The following RAPGEF4 variants were observed in gnomAD, a reference collection of about 807,000 sequenced individuals.
The protein encoded by RAPGEF4 is RAP guanine-nucleotide-exchange factor (GEF) 4.
In RAPGEF4, 66 loss-of-function variants were observed where a neutral mutation model predicts 147.9. That is an observed-to-expected ratio of 0.45 (90% CI 0.37 to 0.55). The LOEUF is 0.55. Ranked by LOEUF, RAPGEF4 falls within the 20% of genes least tolerant of loss-of-function variation. The probability of loss-of-function intolerance (pLI) is 0.00; values close to 1 mark genes in which losing one functional copy is unlikely to be tolerated. For missense variants in RAPGEF4, 1,071 were observed against 1,257.3 expected, an observed-to-expected ratio of 0.85 and a Z score of 2.24; for synonymous variants, 419 against 442.7, an observed-to-expected ratio of 0.95 and a Z score of 0.67.
intron 21 of RAPGEF4, 113 bp from the exon 22 acceptor site, chr2:173,018,543 C>T (rs2105906817): frequency 8.3e-7 from 1 of 1,204,578 alleles, no homozygotes; most frequent in South Asian, 1.5e-5. Context: ...AATACAGTAA[C>T]AAAAATGGCA....
chr2:172,919,379 G>A (rs1684463173), intron 5 of RAPGEF4, among the ~76,000 whole-genome samples: 1 of 152,016 alleles, frequency 6.6e-6, no homozygotes, highest in African/African-American at 2.4e-5. Context: ...CCACTCTAAA[G>A]TTACCAGTGA....
intron 6 of RAPGEF4, among the ~76,000 whole-genome samples, chr2:172,934,147 C>CTTTTT (rs5836396): frequency 2.9e-4 from 29 of 99,134 alleles, no homozygotes; most frequent in East Asian, 9.5e-4. Context: ...TTATTTAATC[C>CTTTTT]TTTTTTTTTT....
chr2:172,801,668 A>G (rs1319887129), intron 3 of RAPGEF4, among the ~76,000 whole-genome samples: 1 of 152,036 alleles, frequency 6.6e-6, no homozygotes, highest in Non-Finnish European at 1.5e-5. Flanking sequence ...GCTGCTGGGT[A>G]TCTGGGCCAG....
intron 10 of RAPGEF4, among the ~76,000 whole-genome samples, chr2:172,969,612 C>T (rs1690240268): frequency 1.3e-5 from 2 of 152,226 alleles, no homozygotes; most frequent in African/African-American, 4.8e-5. Context: ...GGCAAAAATG[C>T]CATCTGATTC....
intron 1 of RAPGEF4, among the ~76,000 whole-genome samples, chr2:172,766,658 T>G (rs1272188944): frequency 6.6e-6 from 1 of 152,248 alleles, no homozygotes; most frequent in Non-Finnish European, 1.5e-5. Flanking sequence ...GGCCTCGTTA[T>G]GTTCCCTGCC....
intron 10 of RAPGEF4, among the ~76,000 whole-genome samples, chr2:172,968,556 C>T (rs760716620): frequency 1.3e-5 from 2 of 152,148 alleles, no homozygotes; most frequent in Non-Finnish European, 2.9e-5. Context: ...CTGACTCTCC[C>T]ACACCATGTG....
At chr2:172,996,680 G>T in intron 16 of RAPGEF4, 126 bp downstream of exon 16, 1 of 651,668 alleles carries the variant, frequency 1.5e-6, no homozygotes. Flanking sequence ...ATTGATATTT[G>T]AAAAGCATCT....
At chr2:172,847,258 C>T (rs929821487) in intron 4 of RAPGEF4, among the ~76,000 whole-genome samples, 1 of 152,180 alleles carries the variant, frequency 6.6e-6, no homozygotes, top group Non-Finnish European at 1.5e-5. Flanking sequence ...ACAAGCTTGA[C>T]ACAGACTTCT....
chr2:172,862,895 T>C (rs906317468), intron 4 of RAPGEF4, among the ~76,000 whole-genome samples: 2 of 152,168 alleles, frequency 1.3e-5, no homozygotes, highest in Non-Finnish European at 2.9e-5. Flanking sequence ...TAGTATCATT[T>C]ACCCCGTGGA....
chr2:172,773,318 T>C (rs763595103), intron 1 of RAPGEF4, among the ~76,000 whole-genome samples: 3 of 152,236 alleles, frequency 2.0e-5, no homozygotes, highest in Non-Finnish European at 2.9e-5. Context: ...TGATCTGGCA[T>C]CTTTTATGAT....
At chr2:172,877,273 C>A (rs1238562033) in intron 4 of RAPGEF4, among the ~76,000 whole-genome samples, 1 of 152,050 alleles carries the variant, frequency 6.6e-6, no homozygotes, top group Non-Finnish European at 1.5e-5. Context: ...GAACAGAAAA[C>A]CAAACACCCC....
chr2:172,999,900 G>A (rs969872342), intron 16 of RAPGEF4, among the ~76,000 whole-genome samples: 5 of 152,206 alleles, frequency 3.3e-5, no homozygotes, highest in African/African-American at 1.2e-4. Flanking sequence ...AATGTGAGCT[G>A]AGTGGTTGGC....
At chr2:172,927,428 C>T (rs1432686478) in intron 6 of RAPGEF4, among the ~76,000 whole-genome samples, 2 of 152,012 alleles carry the variant, frequency 1.3e-5, no homozygotes, top group East Asian at 3.9e-4. Context: ...CAATGAAATT[C>T]TGGGCCAGAT....
intron 4 of RAPGEF4, chr2:172,822,045 G>A: frequency 6.4e-7 from 1 of 1,569,792 alleles, no homozygotes; most frequent in South Asian, 1.1e-5. Flanking sequence ...GTTACTGTTT[G>A]CATTTTGGAA....
intron 4 of RAPGEF4, among the ~76,000 whole-genome samples, chr2:172,852,192 T>G (rs1692921686): frequency 6.6e-6 from 1 of 152,184 alleles, no homozygotes; most frequent in Non-Finnish European, 1.5e-5. Flanking sequence ...ATCTTTCTAT[T>G]TTAGGAATGT....
Position 172,792,211 on chromosome 2 carries a change from CTGCTGTCCT to C in RAPGEF4, c.66-2808_66-2800del, listed in dbSNP as rs555123033. ...CCAGTAGGGGCGCCTCTGCCAGCTG[CTGCTGTCCT>C]TGCTGCCCCCCAGACACACCAAGAC... On this transcript the variant is annotated intron_variant, in intron 1 of 30. Transcript: ENST00000397081. Among the ~76,000 whole-genome samples, 15 of 152,356 alleles carry C rather than the reference CTGCTGTCCT, an allele frequency of 9.8e-5. No individual in the cohort carries two copies. In the South Asian group the frequency reaches 2.9e-3, roughly 29 times the overall value.
rs901294393 is a variant in RAPGEF4 at position 172,983,007 on chromosome 2, T to C, written c.1005-489T>C. On this transcript the variant is annotated intron_variant, in intron 10 of 30. Coordinates refer to ENST00000397081, the MANE Select transcript of RAPGEF4 (RefSeq NM_007023.4). ...CTATATTTGAGTCCTTCGGAAAAAA[T>C]ACATTTTATAACCCCAAATAATAGT... Among the ~76,000 whole-genome samples the C allele has an allele frequency of 3.3e-5, 5 of 152,156 alleles. 1 individual carries two copies. Among genetic ancestry groups the C allele is most frequent in the Admixed American group, 3.3e-4 (5 of 15,284 alleles).
intron 4 of RAPGEF4, among the ~76,000 whole-genome samples, chr2:172,841,630 C>T (rs1210745462): frequency 6.6e-6 from 1 of 152,094 alleles, no homozygotes; most frequent in Non-Finnish European, 1.5e-5. Context: ...AAACACTCTG[C>T]CTATTTCTAA....
chr2:172,859,843 A>G (rs1016388374), intron 4 of RAPGEF4, among the ~76,000 whole-genome samples: 1 of 152,184 alleles, frequency 6.6e-6, no homozygotes, highest in Non-Finnish European at 1.5e-5. Context: ...AATCATAAAT[A>G]TACCTTTGAA....
Sources: gnomAD v4.1 joint callset for allele counts (sites outside exome capture counted in the v4.1 genomes callset) on GRCh38, gnomAD v4.1.1 for gene constraint, MANE v1.5 for transcripts, NCBI Gene and HGNC (gene_info 2026-07-23, HGNC 2026-07-21) for gene names.